RGMB: variants seen among roughly 807,000 people sequenced by gnomAD.
RGMB encodes repulsive guidance molecule B.
A neutral mutation model predicts 26.9 loss-of-function variants in RGMB; 16 were observed. That is an observed-to-expected ratio of 0.60 (90% confidence interval 0.40 to 0.90). The LOEUF (loss-of-function observed/expected upper bound fraction) is 0.90. Among genes scored for constraint, RGMB ranks in the 40% least tolerant of loss-of-function variants. RGMB has a pLI of 0.00. For synonymous variants in RGMB, 225 were observed against 229.3 expected (o/e 0.98, Z 0.17); for missense variants, 512 against 573.3 (o/e 0.89, Z 1.09).
At chr5:98,770,587 C>G (rs1746123160), upstream of RGMB, 1 of 1,283,046 alleles carries the variant, frequency 7.8e-7, no homozygotes, top group Non-Finnish European at 1.0e-6. Context: ...GGACTCTTCT[C>G]TCACACCCAG....
At chr5:98,784,017 G>A (rs1213303275) in intron 2 of RGMB, among the ~76,000 whole-genome samples, 1 of 150,118 alleles carries the variant, frequency 6.7e-6, no homozygotes, top group Non-Finnish European at 1.5e-5. Flanking sequence ...GATGACAACA[G>A]GTCCTACTGC....
intron 1 of RGMB, among the ~76,000 whole-genome samples, chr5:98,775,720 GA>G (rs1247111377): frequency 6.6e-6 from 1 of 152,200 alleles, no homozygotes; most frequent in Non-Finnish European, 1.5e-5. Context: ...TAAAGGTTTA[GA>G]AAAGTAGGGT....
chr5:98,778,421 G>A (rs375774214), intron 1 of RGMB, among the ~76,000 whole-genome samples: 7 of 152,098 alleles, frequency 4.6e-5, no homozygotes, highest in Admixed American at 6.5e-5. Context: ...TACAAAGTTC[G>A]TCTTAGAATA....
At chr5:98,778,110 C>T (rs911657753) in intron 1 of RGMB, among the ~76,000 whole-genome samples, 1 of 152,134 alleles carries the variant, frequency 6.6e-6, no homozygotes, top group African/African-American at 2.4e-5. Context: ...ACAGAGTTGT[C>T]TTCAGAAGTT....
At chr5:98,780,333 A>G (rs1192861799) in intron 2 of RGMB, 2 of 434,644 alleles carry the variant, frequency 4.6e-6, no homozygotes, top group Non-Finnish European at 4.0e-6. Flanking sequence ...AGTGAAATTG[A>G]GTTCTCCAGG....
At chr5:98,782,014 G>A (rs1378933677) in intron 2 of RGMB, among the ~76,000 whole-genome samples, 2 of 152,212 alleles carry the variant, frequency 1.3e-5, no homozygotes, top group Admixed American at 1.3e-4. Context: ...TGGAGAAAGT[G>A]GTCCTCTGAC....
chr5:98,775,265 A>C (rs967998519), intron 1 of RGMB, among the ~76,000 whole-genome samples: 2 of 152,190 alleles, frequency 1.3e-5, no homozygotes, highest in African/African-American at 4.8e-5. Flanking sequence ...GAGGTCTTTT[A>C]AGTAATGGGG....
intron 1 of RGMB, among the ~76,000 whole-genome samples, chr5:98,777,086 CAAA>C (rs796290643): frequency 2.1e-5 from 2 of 95,202 alleles, no homozygotes; most frequent in Non-Finnish European, 2.2e-5. Context: ...GACTCCGTCT[CAAA>C]AAAAAAAAAA....
At chr5:98,770,239 G>C (rs908328911), upstream of RGMB, 30 of 165,786 alleles carry the variant, frequency 1.8e-4, no homozygotes, top group African/African-American at 6.4e-4. Flanking sequence ...AGTCAAGACC[G>C]GCGGCTGCGT....
At chr5:98,791,473 G>A (rs1039555324) in intron 2 of RGMB, among the ~76,000 whole-genome samples, 2 of 151,960 alleles carry the variant, frequency 1.3e-5, no homozygotes, top group Admixed American at 1.3e-4. Flanking sequence ...TGGTGGTGAG[G>A]ACTTCGGGTG....
At chr5:98,787,795 A>G (rs2083476364) in intron 2 of RGMB, among the ~76,000 whole-genome samples, 1 of 152,194 alleles carries the variant, frequency 6.6e-6, no homozygotes, top group Non-Finnish European at 1.5e-5. Context: ...TCTTAATTGT[A>G]CAGAAATTAC....
At chr5:98,782,768 GCTT>G in intron 2 of RGMB, among the ~76,000 whole-genome samples, 1 of 142,810 alleles carries the variant, frequency 7.0e-6, no homozygotes, top group Non-Finnish European at 1.5e-5. Flanking sequence ...TACTAAGACA[GCTT>G]CTCAGTCCTG....
At chr5:98,770,816 G>A (rs1321763579), upstream of RGMB, 2 of 495,480 alleles carry the variant, frequency 4.0e-6, no homozygotes, top group East Asian at 7.0e-5. Flanking sequence ...AAAAAATGAT[G>A]TAAGTACAAA....
chr5:98,789,587 G>A (rs1021293635), intron 2 of RGMB, among the ~76,000 whole-genome samples: 1 of 152,008 alleles, frequency 6.6e-6, no homozygotes, highest in Admixed American at 6.6e-5. Context: ...AGGTTGATTT[G>A]TAGCTGCTGT....
intron 1 of RGMB, among the ~76,000 whole-genome samples, chr5:98,778,526 A>G (rs1746488785): frequency 6.6e-6 from 1 of 152,190 alleles, no homozygotes; most frequent in Admixed American, 6.5e-5. Context: ...TGTAACACAA[A>G]TAATGTGTTA....
At chr5:98,786,338 C>T (rs1255152809) in intron 2 of RGMB, among the ~76,000 whole-genome samples, 2 of 152,210 alleles carry the variant, frequency 1.3e-5, no homozygotes, top group Non-Finnish European at 2.9e-5. Context: ...TGCTTTAAAA[C>T]AAATCCACAC....
Position 98,794,438 on chromosome 5 carries a change from T to G in RGMB, c.*685T>G, listed in dbSNP as rs1050978043. 1 of 152,186 alleles carries G rather than the reference T, an allele frequency of 6.6e-6. No homozygotes were observed. Among genetic ancestry groups the G allele is most frequent in the Admixed American group, 6.5e-5 (1 of 15,282 alleles). The allele number at this position is 152,186 out of a possible 1,614,324, so 9.4% of individuals were successfully genotyped here. A position where few individuals can be genotyped will look rare whatever the true frequency, so the allele number is the denominator to read the frequency against. On this transcript the variant is annotated 3_prime_UTR_variant, in exon 3 of 3. Transcript: ENST00000513185. ...ATTTGAGCCCATACAGTGTATTAGG[T>G]TGAACCATAGAAACTGCTATTCTCG...
At position 98,773,723 on chromosome 5, in the gene RGMB, C is replaced by T; in HGVS notation, c.-348C>T. Reference sequence around the variant, plus strand: ...GGGCTGGGCCAGCCTCTTGGAGGTCCACGCCCGCCGAGCCCACGCTGGCTG... The same window carrying T: ...GGGCTGGGCCAGCCTCTTGGAGGTCTACGCCCGCCGAGCCCACGCTGGCTG... On this transcript the variant is annotated 5_prime_UTR_variant, in exon 1 of 3. Coordinates refer to ENST00000513185, the MANE Select transcript of RGMB (RefSeq NM_001366508.1). 2.6e-6 allele frequency: 1 copy of T among 377,370 alleles called. No individual in the cohort carries two copies. Among genetic ancestry groups the T allele is most frequent in the Non-Finnish European group, 4.7e-6 (1 of 212,976 alleles). The allele number at this position is 377,370 out of a possible 1,614,324, so 23.4% of individuals were successfully genotyped here. A position where few individuals can be genotyped will look rare whatever the true frequency, so the allele number is the denominator to read the frequency against.
intron 2 of RGMB, among the ~76,000 whole-genome samples, chr5:98,787,940 C>T (rs1002153553): frequency 2.6e-5 from 4 of 152,194 alleles, no homozygotes; most frequent in Non-Finnish European, 4.4e-5. Context: ...CTCTGCGTGT[C>T]CTTCCCCTCT....
Sources: gnomAD v4.1 joint callset for allele counts (sites outside exome capture counted in the v4.1 genomes callset) on GRCh38, gnomAD v4.1.1 for gene constraint, MANE v1.5 for transcripts, NCBI Gene and HGNC (gene_info 2026-07-23, HGNC 2026-07-21) for gene names.